The following THSD7B variants were observed in gnomAD, a reference collection of about 807,000 sequenced individuals.
The protein encoded by THSD7B is thrombospondin type-1 domain-containing protein 7B.
THSD7B carries 138 observed loss-of-function variants against 213.6 expected under a neutral mutation model. The observed-to-expected ratio is 0.65, with a 90% CI of 0.56 to 0.74. The LOEUF (loss-of-function observed/expected upper bound fraction) is 0.74, where lower values mean the gene tolerates loss of function less well. Among genes scored for constraint, THSD7B ranks in the 30% least tolerant of loss-of-function variants. THSD7B has a pLI of 0.00. For missense variants in THSD7B, 1,931 were observed against 1,991.5 expected, an observed-to-expected ratio of 0.97 and a Z score of 0.58; for synonymous variants, 742 against 687.0, an observed-to-expected ratio of 1.08 and a Z score of -1.25.
chr2:137,256,681 C>A (rs1364963761), intron 10 of THSD7B, among the ~76,000 whole-genome samples: 1 of 152,032 alleles, frequency 6.6e-6, no homozygotes, highest in Non-Finnish European at 1.5e-5. Context: ...GTGATAAAAT[C>A]ACATTTATGT....
intron 2 of THSD7B, among the ~76,000 whole-genome samples, chr2:136,884,186 G>C (rs992074009): frequency 6.6e-6 from 1 of 152,122 alleles, no homozygotes; most frequent in African/African-American, 2.4e-5. Context: ...CAGCACATGC[G>C]AAGTCGGCAG....
chr2:137,372,839 C>T (rs1179497736), intron 12 of THSD7B, among the ~76,000 whole-genome samples: 1 of 135,088 alleles, frequency 7.4e-6, no homozygotes, highest in East Asian at 2.6e-4. Flanking sequence ...TAAAGCTATC[C>T]CTTCCCCCTC....
chr2:136,974,770 G>A (rs56404535), intron 2 of THSD7B, among the ~76,000 whole-genome samples: 12,448 of 152,160 alleles, frequency 0.082, 819 homozygotes, highest in Non-Finnish European at 0.13. Flanking sequence ...TTGAGGAATC[G>A]CCATGCTTTC....
intron 12 of THSD7B, among the ~76,000 whole-genome samples, chr2:137,313,099 C>T (rs987287410): frequency 1.3e-5 from 2 of 151,848 alleles, no homozygotes; most frequent in African/African-American, 4.8e-5. Flanking sequence ...CTAATGTTGA[C>T]AGTGGGGTGT....
At chr2:137,268,703 T>G (rs1163069336) in intron 10 of THSD7B, among the ~76,000 whole-genome samples, 1 of 152,152 alleles carries the variant, frequency 6.6e-6, no homozygotes, top group African/African-American at 2.4e-5. Flanking sequence ...CTGTATCTTA[T>G]GCTGACCTCC....
intron 12 of THSD7B, among the ~76,000 whole-genome samples, chr2:137,302,075 G>C (rs1683618166): frequency 6.6e-6 from 1 of 152,078 alleles, no homozygotes; most frequent in East Asian, 1.9e-4. Flanking sequence ...GCCAGATTTT[G>C]AATATGGTTT....
intron 2 of THSD7B, among the ~76,000 whole-genome samples, chr2:136,984,953 G>A (rs1685646149): frequency 6.6e-6 from 1 of 152,152 alleles, no homozygotes; most frequent in Non-Finnish European, 1.5e-5. Flanking sequence ...GTGCCCTAGG[G>A]ATCTGTGGAA....
At chr2:137,670,723 C>A (rs1683545896) in intron 27 of THSD7B, among the ~76,000 whole-genome samples, 2 of 151,994 alleles carry the variant, frequency 1.3e-5, no homozygotes, top group African/African-American at 4.8e-5. Flanking sequence ...AGATCGAGAC[C>A]ATCCTATCTA....
chr2:136,822,593 G>A (rs1441830617), intron 1 of THSD7B, among the ~76,000 whole-genome samples: 1 of 152,182 alleles, frequency 6.6e-6, no homozygotes, highest in Non-Finnish European at 1.5e-5. Context: ...ACATTATACA[G>A]CAGGGTTTTG....
intron 7 of THSD7B, among the ~76,000 whole-genome samples, chr2:137,223,796 C>T (rs1226264591): frequency 6.6e-6 from 1 of 152,130 alleles, no homozygotes; most frequent in East Asian, 1.9e-4. Context: ...GAGGAGGGGC[C>T]TGATGGGAGG....
chr2:136,876,497 T>G (rs1683527908), intron 1 of THSD7B, among the ~76,000 whole-genome samples: 1 of 152,216 alleles, frequency 6.6e-6, no homozygotes. Flanking sequence ...TGTATGTGTC[T>G]GGAGAATATA....
intron 2 of THSD7B, among the ~76,000 whole-genome samples, chr2:136,922,412 G>A (rs1028137981): frequency 1.3e-5 from 2 of 152,194 alleles, no homozygotes; most frequent in Non-Finnish European, 2.9e-5. Flanking sequence ...GTGGTGGAGA[G>A]AGAAAAGGAG....
At chr2:137,175,364 T>C (rs560599578) in intron 7 of THSD7B, among the ~76,000 whole-genome samples, 1 of 152,340 alleles carries the variant, frequency 6.6e-6, no homozygotes, top group South Asian at 2.1e-4. Context: ...ATGCCCACAC[T>C]ACTGAAGAGT....
At chr2:136,955,948 A>T (rs966913888) in intron 2 of THSD7B, among the ~76,000 whole-genome samples, 2 of 150,352 alleles carry the variant, frequency 1.3e-5, no homozygotes, top group African/African-American at 4.9e-5. Flanking sequence ...ATGAGCCACC[A>T]CGCCCGGGAG....
intron 2 of THSD7B, among the ~76,000 whole-genome samples, chr2:136,943,816 T>A (rs900052604): frequency 1.3e-5 from 2 of 152,208 alleles, no homozygotes; most frequent in Admixed American, 6.5e-5. Context: ...ATTTCATTGA[T>A]CTTTTCAAAA....
chr2:137,262,584 A>G (rs545037866), intron 10 of THSD7B, among the ~76,000 whole-genome samples: 1 of 152,298 alleles, frequency 6.6e-6, no homozygotes, highest in Non-Finnish European at 1.5e-5. Flanking sequence ...AATTCCAATC[A>G]TACCCTTTAT....
intron 2 of THSD7B, among the ~76,000 whole-genome samples, chr2:136,970,082 A>T (rs1212068762): frequency 6.6e-6 from 1 of 152,232 alleles, no homozygotes; most frequent in African/African-American, 2.4e-5. Flanking sequence ...CTTTAAAAAT[A>T]TAAACACTCA....
intron 15 of THSD7B, among the ~76,000 whole-genome samples, chr2:137,535,664 C>G (rs1333284772): frequency 1.3e-5 from 2 of 151,678 alleles, no homozygotes; most frequent in Non-Finnish European, 2.9e-5. Flanking sequence ...CAGTCAAAAA[C>G]TCTGCTTTAA....
At chr2:136,998,098 G>A (rs151013746) in intron 2 of THSD7B, among the ~76,000 whole-genome samples, 61 of 152,060 alleles carry the variant, frequency 4.0e-4, no homozygotes, top group African/African-American at 1.4e-3. Flanking sequence ...CGAAAAATCT[G>A]AAACCTCACT....
Sources: allele counts gnomAD v4.1 joint callset (sites outside exome capture counted in the v4.1 genomes callset), GRCh38; gene constraint gnomAD v4.1.1; transcripts MANE v1.5; gene names NCBI Gene and HGNC (gene_info 2026-07-23, HGNC 2026-07-21).